Variants in VTI1A observed in about 807,000 individuals in gnomAD.
VTI1A encodes vesicle transport through interaction with t-SNAREs 1A.
Under a neutral mutation model 34.9 loss-of-function variants are expected in VTI1A, and 22 were observed. The observed-to-expected ratio is 0.63, with a 90% CI of 0.45 to 0.90. VTI1A has a LOEUF of 0.90. Ranked by LOEUF, VTI1A falls within the 40% of genes least tolerant of loss-of-function variation. The pLI is 0.00. For missense variants in VTI1A, 268 were observed against 275.6 expected (o/e 0.97, Z 0.20); for synonymous variants, 87 against 97.3 (o/e 0.89, Z 0.62).
At chr10:112,847,577 A>C in the VTI1A span, among the ~76,000 whole-genome samples, 65 of 152,312 alleles carry the variant, frequency 4.3e-4, no homozygotes, top group African/African-American at 1.5e-3. Flanking sequence ...TGAATCACTC[A>C]ACCTTTCCCT....
At chr10:112,788,819 A>T (rs1430796265) in intron 7 of VTI1A, among the ~76,000 whole-genome samples, 1 of 151,864 alleles carries the variant, frequency 6.6e-6, no homozygotes, top group African/African-American at 2.4e-5. Context: ...GATTTTTTTT[A>T]TTACATTTTT....
At chr10:112,489,280 T>C (rs1848745413) in intron 3 of VTI1A, among the ~76,000 whole-genome samples, 1 of 152,214 alleles carries the variant, frequency 6.6e-6, no homozygotes, top group African/African-American at 2.4e-5. Flanking sequence ...GTCAATTTCC[T>C]GGACTTATTG....
At chr10:112,551,577 G>C (rs185626170) in intron 5 of VTI1A, among the ~76,000 whole-genome samples, 1 of 152,154 alleles carries the variant, frequency 6.6e-6, no homozygotes, top group Non-Finnish European at 1.5e-5. Context: ...ACAAATCCTG[G>C]CACTGTCCTT....
chr10:112,831,414 G>A, the VTI1A span: 9 of 152,316 alleles, frequency 5.9e-5, 1 homozygote, highest in African/African-American at 2.2e-4. Context: ...GGCGCATCAG[G>A]TGCTTCTCAA....
intron 5 of VTI1A, among the ~76,000 whole-genome samples, chr10:112,566,443 A>G (rs74604046): frequency 1.9e-3 from 283 of 152,366 alleles, no homozygotes; most frequent in African/African-American, 6.5e-3. Context: ...TGTCAAATAC[A>G]TGAAAAAATT....
At position 112,447,305 on chromosome 10, in the gene VTI1A, C is replaced by T; in HGVS notation, c.-69C>T. 3 of 1,532,152 alleles carry T rather than the reference C, an allele frequency of 2.0e-6. No individual in the cohort carries two copies. Among genetic ancestry groups the T allele is most frequent in the Non-Finnish European group, 2.7e-6 (3 of 1,130,518 alleles). 94.9% of individuals were successfully genotyped at this position (1,532,152 alleles called of 1,614,324 possible). A position where few individuals can be genotyped will look rare whatever the true frequency, so the allele number is the denominator to read the frequency against. Reference sequence around the variant, plus strand: ...TTCCGGGGTTCCTAAGCCGCGGGGCCCCTCGCTGCCCCTCGAGGCCCTTTC... The same window carrying T: ...TTCCGGGGTTCCTAAGCCGCGGGGCTCCTCGCTGCCCCTCGAGGCCCTTTC... On this transcript the variant is annotated 5_prime_UTR_variant, in exon 1 of 8. Transcript: ENST00000393077.
intron 5 of VTI1A, among the ~76,000 whole-genome samples, chr10:112,591,270 C>G (rs1844376078): frequency 6.6e-6 from 1 of 152,200 alleles, no homozygotes; most frequent in African/African-American, 2.4e-5. Context: ...CCTGTAATCC[C>G]AGCACTTTGA....
rs574165474 is a variant in VTI1A, at chr10:112,699,388, G to A, written c.560+30390G>A. Among the ~76,000 whole-genome samples, 6 of 152,348 alleles carry A rather than the reference G, an allele frequency of 3.9e-5. No individual in the cohort carries two copies. In the East Asian group the frequency reaches 1.2e-3, roughly 29 times the overall value. On this transcript the variant is annotated intron_variant, in intron 7 of 7. Coordinates refer to ENST00000393077, the MANE Select transcript of VTI1A (RefSeq NM_145206.4). ...CCCATTTCCTGGTTTATAGATGGTT[G>A]TCTGCTCATTGTATCCTCACATGGA...
At chr10:112,814,045 G>C (rs189939761) in intron 7 of VTI1A, among the ~76,000 whole-genome samples, 6 of 152,270 alleles carry the variant, frequency 3.9e-5, no homozygotes, top group African/African-American at 1.4e-4. Context: ...GAAGGGGATG[G>C]GTGAGGAGGA....
At chr10:112,689,401 T>C (rs1848537195) in intron 7 of VTI1A, among the ~76,000 whole-genome samples, 1 of 152,188 alleles carries the variant, frequency 6.6e-6, no homozygotes, top group South Asian at 2.1e-4. Flanking sequence ...AGGGGCAGCC[T>C]CTGCATTCTG....
chr10:112,669,010 G>T lies in VTI1A; in HGVS notation c.560+12G>T, dbSNP rs1241277499. 6 of 1,611,508 alleles carry T rather than the reference G, an allele frequency of 3.7e-6. No individual in the cohort carries two copies. Among genetic ancestry groups the T allele is most frequent in the Admixed American group, 1.7e-5 (1 of 59,884 alleles). On this transcript the variant is annotated intron_variant, in intron 7 of 7. Coordinates refer to ENST00000393077, the MANE Select transcript of VTI1A (RefSeq NM_145206.4). The stretch of plus-strand genomic sequence containing the variant: ...GGGATGTTGCGAAGGTAAGAGCAAG[G>T]TAGGGACATATCTTTCTCTCTGTGT...
chr10:112,531,416 ATT>A (rs1564815551), intron 4 of VTI1A, among the ~76,000 whole-genome samples: 2 of 151,236 alleles, frequency 1.3e-5, no homozygotes, highest in African/African-American at 4.9e-5. Flanking sequence ...CAGTCTACGC[ATT>A]GTTAATTTTC....
chr10:112,562,192 C>T (rs1048697517), intron 5 of VTI1A, among the ~76,000 whole-genome samples: 1 of 152,150 alleles, frequency 6.6e-6, no homozygotes, highest in Non-Finnish European at 1.5e-5. Flanking sequence ...GCAGACATAA[C>T]TTACGACACT....
chr10:112,602,568 CAATT>C (rs1050741666), intron 5 of VTI1A, among the ~76,000 whole-genome samples: 3 of 152,172 alleles, frequency 2.0e-5, no homozygotes, highest in Admixed American at 1.3e-4. Flanking sequence ...TGAAATGCCT[CAATT>C]AATGTGAAGC....
intron 7 of VTI1A, among the ~76,000 whole-genome samples, chr10:112,795,905 C>T (rs1852657227): frequency 6.6e-6 from 1 of 152,106 alleles, no homozygotes; most frequent in African/African-American, 2.4e-5. Context: ...ACACCCACCA[C>T]CCGAGTATAA....
chr10:112,709,673 T>G (rs1396560266), intron 7 of VTI1A, among the ~76,000 whole-genome samples: 2 of 142,820 alleles, frequency 1.4e-5, no homozygotes, highest in Non-Finnish European at 3.0e-5. Context: ...CAAGAGGCAC[T>G]CTATGTGGCT....
At chr10:112,592,648 AC>A (rs149101025) in intron 5 of VTI1A, among the ~76,000 whole-genome samples, 395 of 152,328 alleles carry the variant, frequency 2.6e-3, no homozygotes, top group African/African-American at 9.0e-3. Context: ...TACTTTGCAC[AC>A]AGTAGGTGCC....
chr10:112,757,423 G>A (rs1202795449), intron 7 of VTI1A, among the ~76,000 whole-genome samples: 1 of 127,186 alleles, frequency 7.9e-6, no homozygotes, highest in Non-Finnish European at 1.6e-5. Flanking sequence ...CTGGAGTGCA[G>A]TGACACCATC....
chr10:112,542,595 G>T (rs1012396021), intron 5 of VTI1A, among the ~76,000 whole-genome samples: 1 of 152,138 alleles, frequency 6.6e-6, no homozygotes, highest in Non-Finnish European at 1.5e-5. Flanking sequence ...AGGGCCCTGC[G>T]TGTCCTGATG....
Sources: gnomAD v4.1 joint callset for allele counts (sites outside exome capture counted in the v4.1 genomes callset) on GRCh38, gnomAD v4.1.1 for gene constraint, MANE v1.5 for transcripts, NCBI Gene and HGNC (gene_info 2026-07-23, HGNC 2026-07-21) for gene names.